GPATCH2: variants seen among roughly 807,000 people sequenced by gnomAD.
The protein encoded by GPATCH2 is G-patch domain containing 2.
GPATCH2 carries 51 observed loss-of-function variants against 58.0 expected under a neutral mutation model. The observed-to-expected ratio is 0.88, with a 90% CI of 0.70 to 1.11. The LOEUF (loss-of-function observed/expected upper bound fraction) is 1.11. GPATCH2 is among the 50% of genes most tolerant of loss of function. GPATCH2 has a pLI of 0.00. For missense variants in GPATCH2, 625 were observed against 652.2 expected, an observed-to-expected ratio of 0.96 and a Z score of 0.45; for synonymous variants, 222 against 218.5, an observed-to-expected ratio of 1.02 and a Z score of -0.14.
intron 1 of GPATCH2, 103 bp downstream of exon 1, chr1:217,630,813 A>G (rs1669717099): frequency 1.2e-6 from 1 of 802,822 alleles, no homozygotes; most frequent in Admixed American, 2.3e-5. Flanking sequence ...TCTTCAGATC[A>G]TCCATCACAG....
At chr1:217,475,659 G>GA (rs1660934429) in intron 8 of GPATCH2, among the ~76,000 whole-genome samples, 1 of 152,090 alleles carries the variant, frequency 6.6e-6, no homozygotes, top group Non-Finnish European at 1.5e-5. Flanking sequence ...GGAGCACAGA[G>GA]AAAATGGCAA....
intron 5 of GPATCH2, among the ~76,000 whole-genome samples, chr1:217,589,130 G>A (rs992547909): frequency 2.0e-5 from 3 of 152,068 alleles, no homozygotes; most frequent in Non-Finnish European, 1.5e-5. Flanking sequence ...TAGTATTAGA[G>A]GTGGCTTCTC....
chr1:217,481,411 G>C (rs1259199073), intron 8 of GPATCH2, among the ~76,000 whole-genome samples: 1 of 152,188 alleles, frequency 6.6e-6, no homozygotes, highest in East Asian at 1.9e-4. Flanking sequence ...ACAGAAGACA[G>C]CTAAAACAGT....
At chr1:217,486,499 G>A (rs1484930269) in intron 8 of GPATCH2, among the ~76,000 whole-genome samples, 1 of 152,046 alleles carries the variant, frequency 6.6e-6, no homozygotes, top group African/African-American at 2.4e-5. Flanking sequence ...TGCCCAGTTA[G>A]TTTTTAAATG....
chr1:217,590,279 C>A (rs896458748), intron 5 of GPATCH2, among the ~76,000 whole-genome samples: 13 of 152,088 alleles, frequency 8.5e-5, no homozygotes, highest in African/African-American at 3.1e-4. Flanking sequence ...GCCTCAGCCT[C>A]CCAAAGCGCT....
intron 5 of GPATCH2, among the ~76,000 whole-genome samples, chr1:217,522,944 G>C (rs1663545686): frequency 6.6e-6 from 1 of 151,660 alleles, no homozygotes. Flanking sequence ...GAAAGAATTT[G>C]TAACTTTAAA....
At chr1:217,510,403 C>T (rs1430814266) in intron 6 of GPATCH2, among the ~76,000 whole-genome samples, 1 of 151,550 alleles carries the variant, frequency 6.6e-6, no homozygotes, top group Non-Finnish European at 1.5e-5. Context: ...ATGCACATTT[C>T]TTTAAAAGTT....
chr1:217,544,709 G>T (rs956035063), intron 5 of GPATCH2, among the ~76,000 whole-genome samples: 8 of 152,142 alleles, frequency 5.3e-5, no homozygotes, highest in Non-Finnish European at 1.0e-4. Context: ...TTCACATAAG[G>T]CATTTAGAAC....
At chr1:217,435,762 T>C (rs764831355) in intron 9 of GPATCH2, among the ~76,000 whole-genome samples, 1 of 152,222 alleles carries the variant, frequency 6.6e-6, no homozygotes, top group Non-Finnish European at 1.5e-5. Context: ...TTTTTGATTA[T>C]TATTATTATG....
At chr1:217,572,962 T>TA (rs1666638367) in intron 5 of GPATCH2, among the ~76,000 whole-genome samples, 1 of 152,238 alleles carries the variant, frequency 6.6e-6, no homozygotes, top group Non-Finnish European at 1.5e-5. Flanking sequence ...TGTACCTACT[T>TA]AAGATACGTT....
chr1:217,598,403 C>CA (rs578130926), intron 5 of GPATCH2, among the ~76,000 whole-genome samples: 52 of 151,664 alleles, frequency 3.4e-4, no homozygotes, highest in Middle Eastern at 6.8e-3. Flanking sequence ...CAAAACAAAA[C>CA]AAAAAACCAT....
intron 5 of GPATCH2, among the ~76,000 whole-genome samples, chr1:217,582,977 T>A (rs375315847): frequency 9.1e-4 from 138 of 152,328 alleles, no homozygotes; most frequent in African/African-American, 3.1e-3. Flanking sequence ...AAAGCATTTA[T>A]CAGAATTTTA....
intron 5 of GPATCH2, among the ~76,000 whole-genome samples, chr1:217,544,808 A>G (rs916992919): frequency 9.9e-5 from 15 of 152,252 alleles, no homozygotes; most frequent in African/African-American, 3.4e-4. Flanking sequence ...CAAATAAAAT[A>G]TAAATGAATA....
intron 8 of GPATCH2, among the ~76,000 whole-genome samples, chr1:217,460,597 T>G (rs989082475): frequency 6.6e-6 from 1 of 152,258 alleles, no homozygotes; most frequent in Non-Finnish European, 1.5e-5. Flanking sequence ...TGTGTCGCTC[T>G]GTAGGCAACT....
At chr1:217,629,630 C>G (rs1458979600) in intron 1 of GPATCH2, among the ~76,000 whole-genome samples, 1 of 152,082 alleles carries the variant, frequency 6.6e-6, no homozygotes, top group Admixed American at 6.5e-5. Flanking sequence ...GGGTGATGGA[C>G]AAATCCATTA....
At chr1:217,591,368 T>C (rs1667583277) in intron 5 of GPATCH2, among the ~76,000 whole-genome samples, 1 of 152,020 alleles carries the variant, frequency 6.6e-6, no homozygotes, top group Non-Finnish European at 1.5e-5. Context: ...TGCTTGAAAA[T>C]AGTAAAATTT....
At chr1:217,528,988 T>C (rs1016655048) in intron 5 of GPATCH2, among the ~76,000 whole-genome samples, 3 of 152,158 alleles carry the variant, frequency 2.0e-5, no homozygotes, top group Non-Finnish European at 4.4e-5. Flanking sequence ...GTGGTGCCAG[T>C]GTTCAGTCCA....
At chr1:217,569,511 G>A (rs528207389) in intron 5 of GPATCH2, among the ~76,000 whole-genome samples, 2 of 152,064 alleles carry the variant, frequency 1.3e-5, no homozygotes, top group Admixed American at 6.6e-5. Flanking sequence ...CCCGGCTAAC[G>A]TGGCGAAACC....
rs1658383786 is a variant in GPATCH2 at position 217,427,625 on chromosome 1, A to G, written c.*3520T>C. On this transcript the variant is annotated 3_prime_UTR_variant, in exon 10 of 10. Transcript: ENST00000366935. The stretch of plus-strand genomic sequence containing the variant: ...AAAATAAAAAAAAATATTCTTTGCT[A>G]ACAATTTCTTTACAATGCCAACTTA... The G allele has an allele frequency of 6.6e-6, 1 of 152,134 alleles. No homozygotes were observed. The highest frequency in any genetic ancestry group is 1.5e-5 in the Non-Finnish European group (1 of 67,986). 9.4% of individuals were successfully genotyped at this position (152,134 alleles called of 1,614,324 possible). A position where few individuals can be genotyped will look rare whatever the true frequency, so the allele number is the denominator to read the frequency against.
Sources: allele counts gnomAD v4.1 joint callset (sites outside exome capture counted in the v4.1 genomes callset), GRCh38; gene constraint gnomAD v4.1.1; transcripts MANE v1.5; gene names NCBI Gene and HGNC (gene_info 2026-07-23, HGNC 2026-07-21).